ZNF500: variants seen among roughly 807,000 people sequenced by gnomAD.
ZNF500 encodes zinc finger protein 500, also known as zinc finger protein with KRAB and SCAN domains 18.
In ZNF500, 31 loss-of-function variants were observed where a neutral mutation model predicts 30.1. The observed-to-expected ratio is 1.03, with a 90% confidence interval of 0.77 to 1.39. ZNF500 has a LOEUF of 1.39. ZNF500 is among the 40% of genes most tolerant of loss of function. ZNF500 has a pLI of 0.00. For missense variants in ZNF500, 817 were observed against 657.8 expected (o/e 1.24, Z -2.65); for synonymous variants, 392 against 282.0 (o/e 1.39, Z -3.91).
At position 4,767,151 on chromosome 16, in the gene ZNF500, A is replaced by C. The variant is rs1596243756; in HGVS notation, c.-233T>G. On this transcript the variant is annotated 5_prime_UTR_variant, in exon 1 of 6. Coordinates refer to ENST00000219478, the MANE Select transcript of ZNF500 (RefSeq NM_021646.4). ...GCCGAAGACCCTAAACCAGGGGTGC[A>C]AACCAGGCCGTGCGGGTGGGCCCGC... The C allele has an allele frequency of 2.0e-5, 3 of 152,402 alleles. No individual in the cohort carries two copies. The highest frequency in any genetic ancestry group is 1.9e-4 in the East Asian group (1 of 5,176). The allele number at this position is 152,402 out of a possible 1,614,324, so 9.4% of individuals were successfully genotyped here. A position where few individuals can be genotyped will look rare whatever the true frequency, so the allele number is the denominator to read the frequency against.
intron 2 of ZNF500, chr16:4,764,183 C>G: frequency 1.4e-6 from 1 of 718,162 alleles, no homozygotes; most frequent in Non-Finnish European, 1.7e-6. Flanking sequence ...CCATGTGTGA[C>G]GACTGAGCCC....
Position 4,765,553 on chromosome 16 carries a change from G to T in ZNF500, c.414+12C>A, listed in dbSNP as rs375706825. On this transcript the variant is annotated intron_variant, in intron 2 of 5. Coordinates refer to ENST00000219478, the MANE Select transcript of ZNF500 (RefSeq NM_021646.4). Reference sequence around the variant, plus strand: ...CATTTCCTCACCTGAGGGTCAAAATGCCCCCACTCACCCGCTGCCTGTGTT... The same window carrying T: ...CATTTCCTCACCTGAGGGTCAAAATTCCCCCACTCACCCGCTGCCTGTGTT... 6.4e-6 allele frequency: 10 copies of T among 1,569,964 alleles called. No individual in the cohort carries two copies. The highest frequency in any genetic ancestry group is 6.9e-6 in the Non-Finnish European group (8 of 1,156,700).
intron 4 of ZNF500, among the ~76,000 whole-genome samples, chr16:4,760,799 C>G (rs1197719188): frequency 1.3e-5 from 2 of 152,198 alleles, no homozygotes; most frequent in African/African-American, 4.8e-5. Flanking sequence ...AGCTGGGACA[C>G]CACCGGAGAA....
downstream of ZNF500, among the ~76,000 whole-genome samples, chr16:4,745,250 C>T (rs2081999878): frequency 6.6e-6 from 1 of 152,190 alleles, no homozygotes; most frequent in African/African-American, 2.4e-5. Flanking sequence ...CCCTCAAGTA[C>T]CTGCTCTTTC....
chr16:4,747,587 GCCAGGGAGGC>G (rs751429084), downstream of ZNF500: 6 of 1,610,386 alleles, frequency 3.7e-6, no homozygotes, highest in East Asian at 1.1e-4. Context: ...GCCAGGGGCA[GCCAGGGAGGC>G]CCTGATGCCT....
intron 4 of ZNF500, among the ~76,000 whole-genome samples, chr16:4,761,760 G>C (rs2082203807): frequency 6.6e-6 from 1 of 151,818 alleles, no homozygotes; most frequent in Non-Finnish European, 1.5e-5. Flanking sequence ...AGGAGGCTGA[G>C]GCAGGAGGAT....
At chr16:4,760,643 A>C (rs181455699) in intron 4 of ZNF500, 55 bp from the exon 5 acceptor site, 5 of 1,497,188 alleles carry the variant, frequency 3.3e-6, no homozygotes, top group Admixed American at 1.8e-5. Flanking sequence ...CTCCTCCCCA[A>C]CTAAGGCCAC....
At chr16:4,745,061 A>G (rs1449034292), downstream of ZNF500, 2 of 1,588,040 alleles carry the variant, frequency 1.3e-6, no homozygotes, top group Non-Finnish European at 8.6e-7. Flanking sequence ...GAATGGCCCC[A>G]TGGTTTTGTA....
chr16:4,761,389 G>A (rs1372470348), intron 4 of ZNF500, among the ~76,000 whole-genome samples: 2 of 151,426 alleles, frequency 1.3e-5, no homozygotes, highest in Non-Finnish European at 2.9e-5. Flanking sequence ...GCAGTGAGCC[G>A]AGATCGCACC....
At chr16:4,761,509 ACACACACAC>A (rs2082200245) in intron 4 of ZNF500, among the ~76,000 whole-genome samples, 2 of 148,546 alleles carry the variant, frequency 1.3e-5, no homozygotes. Flanking sequence ...ACACACACAC[ACACACACAC>A]ACACACACAT....
intron 2 of ZNF500, among the ~76,000 whole-genome samples, chr16:4,763,405 G>GA (rs997700753): frequency 9.0e-4 from 88 of 97,452 alleles, no homozygotes; most frequent in Admixed American, 8.6e-4. Context: ...TCTCAGGGAA[G>GA]AAAAAAAAAA....
At chr16:4,745,486 G>A (rs951540885), downstream of ZNF500, among the ~76,000 whole-genome samples, 2 of 152,222 alleles carry the variant, frequency 1.3e-5, no homozygotes, top group Non-Finnish European at 2.9e-5. Context: ...AGTGAAGCTG[G>A]GAGAGGCAGA....
chr16:4,746,431 G>A, downstream of ZNF500: 1 of 1,613,554 alleles, frequency 6.2e-7, no homozygotes, highest in African/African-American at 1.3e-5. Context: ...CTGGCCCAGG[G>A]CATGAGGCTT....
downstream of ZNF500, chr16:4,747,657 CA>C (rs2082035535): frequency 6.4e-7 from 1 of 1,574,424 alleles, no homozygotes; most frequent in Admixed American, 1.8e-5. Flanking sequence ...CAGGAGTGGG[CA>C]GGGGCGGGCT....
intron 2 of ZNF500, 99 bp downstream of exon 2, chr16:4,765,466 A>T: frequency 6.7e-7 from 1 of 1,482,842 alleles, no homozygotes; most frequent in African/African-American, 1.4e-5. Context: ...GGGGCCAGGC[A>T]GCCACACTTG....
At chr16:4,747,107 C>G, downstream of ZNF500, 4 of 1,372,256 alleles carry the variant, frequency 2.9e-6, no homozygotes, top group Non-Finnish European at 3.9e-6. Context: ...GCACATTTAC[C>G]GCCTGTGGTG....
chr16:4,764,191 C>A, intron 2 of ZNF500: 3 of 646,474 alleles, frequency 4.6e-6, no homozygotes, highest in Non-Finnish European at 5.8e-6. Flanking sequence ...GACGACTGAG[C>A]CCTTGAGAGG....
intron 5 of ZNF500, among the ~76,000 whole-genome samples, chr16:4,754,682 A>T (rs1020971924): frequency 2.6e-5 from 4 of 151,720 alleles, no homozygotes; most frequent in Non-Finnish European, 5.9e-5. Flanking sequence ...AAAAAAAAAA[A>T]AAATAGAAAA....
rs2082077216 is a variant in ZNF500, at chr16:4,751,498, A to G, written c.*878T>C. 1.2e-5 allele frequency: 17 copies of G among 1,405,530 alleles called. No individual in the cohort carries two copies. The East Asian group carries it at 4.0e-4, about 33-fold the overall frequency. 87.1% of individuals were successfully genotyped at this position (1,405,530 alleles called of 1,614,324 possible). A position where few individuals can be genotyped will look rare whatever the true frequency, so the allele number is the denominator to read the frequency against. ...CCTGCAGAGCAGCTATGGATCTGCA[A>G]AGGGGACTGGAATGCTGCAGAGCCC... On this transcript the variant is annotated 3_prime_UTR_variant, in exon 6 of 6. Transcript: ENST00000219478.
Sources: gnomAD v4.1 joint callset for allele counts (sites outside exome capture counted in the v4.1 genomes callset) on GRCh38, gnomAD v4.1.1 for gene constraint, MANE v1.5 for transcripts, NCBI Gene and HGNC (gene_info 2026-07-23, HGNC 2026-07-21) for gene names.